Variants in INPP4B observed in about 807,000 individuals in gnomAD.
INPP4B encodes inositol polyphosphate-4-phosphatase type II B, also known as inositol polyphosphate 4-phosphatase type II.
INPP4B carries 55 observed loss-of-function variants against 122.5 expected under a neutral mutation model. The ratio of observed to expected loss-of-function variants is 0.45; its 90% confidence interval spans 0.36 to 0.56. The LOEUF (loss-of-function observed/expected upper bound fraction) is 0.56, where lower values mean the gene tolerates loss of function less well. Ranked by LOEUF, INPP4B falls within the 20% of genes least tolerant of loss-of-function variation. The pLI is 0.00. For synonymous variants in INPP4B, 403 were observed against 388.7 expected (o/e 1.04, Z -0.43); for missense variants, 1,000 against 1,097.7 (o/e 0.91, Z 1.26).
chr4:142,611,079 G>A (rs1279281155), intron 2 of INPP4B, among the ~76,000 whole-genome samples: 1 of 152,164 alleles, frequency 6.6e-6, no homozygotes, highest in Non-Finnish European at 1.5e-5. Context: ...TGGCTTCCAG[G>A]GAGGCCTCAG....
At chr4:142,169,688 T>C (rs879938101) in intron 16 of INPP4B, among the ~76,000 whole-genome samples, 15 of 151,730 alleles carry the variant, frequency 9.9e-5, no homozygotes, top group Admixed American at 3.3e-4. Context: ...GCTGTGAGTA[T>C]AGCCTCTAAC....
intron 7 of INPP4B, among the ~76,000 whole-genome samples, chr4:142,395,918 C>T (rs912463931): frequency 6.6e-6 from 1 of 151,978 alleles, no homozygotes; most frequent in African/African-American, 2.4e-5. Flanking sequence ...TGAGGAGTTG[C>T]TAATTAATTA....
chr4:142,195,750 A>G (rs760233804), intron 14 of INPP4B, among the ~76,000 whole-genome samples: 1 of 152,230 alleles, frequency 6.6e-6, no homozygotes, highest in Non-Finnish European at 1.5e-5. Flanking sequence ...GGAAATCTGA[A>G]TAGAGACTGA....
At position 142,025,683 on chromosome 4, in the gene INPP4B, G is replaced by T. The variant is rs939595066; in HGVS notation, c.*3099C>A. The T allele has an allele frequency of 1.3e-5, 2 of 152,136 alleles. No homozygotes were observed. Among genetic ancestry groups the T allele is most frequent in the African/African-American group, 4.8e-5 (2 of 41,438 alleles). 9.4% of individuals were successfully genotyped at this position (152,136 alleles called of 1,614,324 possible). ...TACATAGCTGAAGGATAAAAAGGAA[G>T]TATCCTCCATCCAAATGCTAGCTTT... On this transcript the variant is annotated 3_prime_UTR_variant, in exon 26 of 26. Coordinates refer to ENST00000262992, the MANE Select transcript of INPP4B (RefSeq NM_001101669.3).
intron 15 of INPP4B, among the ~76,000 whole-genome samples, chr4:142,191,384 C>G (rs1835760635): frequency 6.6e-6 from 1 of 152,138 alleles, no homozygotes; most frequent in Non-Finnish European, 1.5e-5. Context: ...GTGAATACCA[C>G]AAAAATGTCA....
chr4:142,381,446 G>A (rs1794040039), intron 7 of INPP4B, among the ~76,000 whole-genome samples: 2 of 151,894 alleles, frequency 1.3e-5, no homozygotes, highest in African/African-American at 4.8e-5. Flanking sequence ...TCTGAAATCC[G>A]AACTCTCTAT....
At chr4:142,374,780 G>T (rs758233301) in intron 7 of INPP4B, among the ~76,000 whole-genome samples, 3 of 151,680 alleles carry the variant, frequency 2.0e-5, no homozygotes, top group African/African-American at 7.3e-5. Flanking sequence ...TATCAATTCC[G>T]TTTTTTATTC....
intron 2 of INPP4B, among the ~76,000 whole-genome samples, chr4:142,609,402 A>T (rs368191541): frequency 5.3e-5 from 8 of 151,996 alleles, no homozygotes; most frequent in Non-Finnish European, 2.9e-5. Flanking sequence ...TTCTGTGCAC[A>T]TAAGTAAATG....
intron 2 of INPP4B, among the ~76,000 whole-genome samples, chr4:142,481,692 G>C (rs1820569244): frequency 6.6e-6 from 1 of 152,020 alleles, no homozygotes. Context: ...AAAGTAAATG[G>C]GCTTTGGCAT....
chr4:142,546,510 G>A (rs1257536084), intron 2 of INPP4B, among the ~76,000 whole-genome samples: 1 of 152,102 alleles, frequency 6.6e-6, no homozygotes, highest in Non-Finnish European at 1.5e-5. Flanking sequence ...GCCTTAGATA[G>A]CATCATGAAG....
At chr4:142,282,027 G>A (rs1276061891) in intron 9 of INPP4B, among the ~76,000 whole-genome samples, 1 of 151,958 alleles carries the variant, frequency 6.6e-6, no homozygotes, top group Non-Finnish European at 1.5e-5. Context: ...TTCTCTGCCC[G>A]CATGGAACTT....
At chr4:142,759,667 A>G (rs1771012124) in intron 1 of INPP4B, among the ~76,000 whole-genome samples, 1 of 152,006 alleles carries the variant, frequency 6.6e-6, no homozygotes, top group African/African-American at 2.4e-5. Context: ...AGTTGAATAT[A>G]ACACCAGGCA....
chr4:142,642,627 ATC>A (rs1163130758), intron 2 of INPP4B, among the ~76,000 whole-genome samples: 2 of 152,062 alleles, frequency 1.3e-5, no homozygotes, highest in South Asian at 2.1e-4. Context: ...ATTGGTCTAT[ATC>A]TCTGTTTTGG....
intron 20 of INPP4B, 71 bp from the exon 21 acceptor site, chr4:142,122,316 C>T (rs1020463409): frequency 1.3e-5 from 14 of 1,086,006 alleles, no homozygotes; most frequent in Non-Finnish European, 1.7e-5. Flanking sequence ...CTATGCCTCC[C>T]TGCTGGAATT....
At chr4:142,301,153 C>T (rs908488125) in intron 9 of INPP4B, among the ~76,000 whole-genome samples, 4 of 152,240 alleles carry the variant, frequency 2.6e-5, no homozygotes, top group South Asian at 4.1e-4. Flanking sequence ...AATACTTAGA[C>T]TGCATAATAT....
At chr4:142,716,178 A>G (rs528281403) in intron 2 of INPP4B, among the ~76,000 whole-genome samples, 4 of 152,342 alleles carry the variant, frequency 2.6e-5, no homozygotes, top group South Asian at 2.1e-4. Flanking sequence ...GGGGATGCCA[A>G]CGAGGTTCTG....
intron 7 of INPP4B, among the ~76,000 whole-genome samples, chr4:142,350,915 T>G (rs534361095): frequency 2.6e-5 from 4 of 152,090 alleles, no homozygotes; most frequent in African/African-American, 9.6e-5. Context: ...GGCTCTATGT[T>G]AGGCTCTTCT....
At chr4:142,316,677 T>C (rs189900387) in intron 7 of INPP4B, among the ~76,000 whole-genome samples, 1 of 152,186 alleles carries the variant, frequency 6.6e-6, no homozygotes, top group East Asian at 1.9e-4. Flanking sequence ...AGTCAGAAAT[T>C]GGTAAGATGG....
At chr4:142,225,264 C>T (rs1051702721) in intron 12 of INPP4B, among the ~76,000 whole-genome samples, 1 of 152,148 alleles carries the variant, frequency 6.6e-6, no homozygotes, top group Non-Finnish European at 1.5e-5. Context: ...GACTCTTGGA[C>T]TTACACCAGT....
Sources: gnomAD v4.1 joint callset for allele counts (sites outside exome capture counted in the v4.1 genomes callset) on GRCh38, gnomAD v4.1.1 for gene constraint, MANE v1.5 for transcripts, NCBI Gene and HGNC (gene_info 2026-07-23, HGNC 2026-07-21) for gene names.